The following PAK6 variants were observed in gnomAD, a reference collection of about 807,000 sequenced individuals.
PAK6 encodes the protein serine/threonine-protein kinase PAK 6.
PAK6 carries 33 observed loss-of-function variants against 60.8 expected under a neutral mutation model. That is an observed-to-expected ratio of 0.54 (90% CI 0.41 to 0.73). PAK6 has a LOEUF of 0.73. Ranked by LOEUF, PAK6 falls within the 30% of genes least tolerant of loss-of-function variation. The pLI is 0.00. For missense variants in PAK6, 845 were observed against 904.1 expected (o/e 0.93, Z 0.84); for synonymous variants, 404 against 378.5 (o/e 1.07, Z -0.78).
chr15:40,247,172 A>G (rs2306480), intron 2 of PAK6: 79,014 of 152,138 alleles, frequency 0.52, 20,628 homozygotes, highest in African/African-American at 0.56. Flanking sequence ...GTCACTGGAA[A>G]CTCAGAAGAG....
chr15:40,266,030 G>A, exon 5 of PAK6: 1 of 1,603,732 alleles, frequency 6.2e-7, no homozygotes, highest in African/African-American at 1.3e-5. Context: ...TGTACCTCCA[G>A]AGCCCCCAGT....
At chr15:40,269,012 A>G (rs1274302628) in intron 5 of PAK6, among the ~76,000 whole-genome samples, 1 of 152,176 alleles carries the variant, frequency 6.6e-6, no homozygotes, top group Non-Finnish European at 1.5e-5. Context: ...TAAGCCCTCA[A>G]TAAATGGCTT....
exon 5 of PAK6, chr15:40,265,965 C>A: frequency 6.2e-7 from 1 of 1,604,264 alleles, no homozygotes; most frequent in Non-Finnish European, 8.5e-7. Context: ...CAGCCGGCGG[C>A]GGGCACAGTC....
At chr15:40,250,856 T>C (rs1025297694) in intron 2 of PAK6, 1 of 152,540 alleles carries the variant, frequency 6.6e-6, no homozygotes, top group African/African-American at 2.4e-5. Flanking sequence ...TAGCTTTGGT[T>C]CATGGTTCAT....
At chr15:40,262,106 G>C (rs1318613941) in intron 3 of PAK6, among the ~76,000 whole-genome samples, 2 of 152,152 alleles carry the variant, frequency 1.3e-5, no homozygotes, top group Non-Finnish European at 2.9e-5. Context: ...CTGTGTCCCT[G>C]CACCTCCAGA....
At chr15:40,266,767 G>A (rs1215814326) in intron 5 of PAK6, 2 of 398,976 alleles carry the variant, frequency 5.0e-6, no homozygotes, top group Admixed American at 8.4e-5. Context: ...GGAAAAGCTG[G>A]ATTTGCCTAG....
At position 40,251,141 on chromosome 15, in the gene PAK6, AGAG is replaced by A. The variant is rs760514572; in HGVS notation, c.-117-2023_-117-2021del. The A allele has an allele frequency of 5.8e-4, 89 of 152,658 alleles. 1 individual carries two copies. Among genetic ancestry groups the A allele is most frequent in the African/African-American group, 1.9e-3 (79 of 41,542 alleles). The allele number at this position is 152,658 out of a possible 1,614,324, so 9.5% of individuals were successfully genotyped here. A position where few individuals can be genotyped will look rare whatever the true frequency, so the allele number is the denominator to read the frequency against. ...AAGAATCCGCGTGGGAAAGACACAA[AGAG>A]GAGGAGGAGGAGGCGACAGAGTAAG... On this transcript the variant is annotated intron_variant, in intron 2 of 10. Coordinates refer to ENST00000560346, the Ensembl canonical transcript of PAK6.
chr15:40,252,866 G>T, intron 2 of PAK6: 1 of 1,253,686 alleles, frequency 8.0e-7, no homozygotes, highest in Non-Finnish European at 1.0e-6. Flanking sequence ...TCCCTCCGCG[G>T]GCGCCCGCCC....
intron 2 of PAK6, 108 bp downstream of exon 2, chr15:40,240,789 T>C (rs941623169): frequency 5.5e-6 from 2 of 362,350 alleles, no homozygotes; most frequent in Non-Finnish European, 1.1e-5. Flanking sequence ...ACTCCACAGC[T>C]GTGGGTTCCT....
At chr15:40,242,778 T>C (rs16970458) in intron 2 of PAK6, among the ~76,000 whole-genome samples, 84,414 of 152,022 alleles carry the variant, frequency 0.56, 25,358 homozygotes, top group Non-Finnish European at 0.69. Context: ...AAGAGTGAGA[T>C]GTGAGATAAA....
exon 5 of PAK6, chr15:40,266,038 A>G: frequency 1.2e-6 from 2 of 1,606,504 alleles, no homozygotes; most frequent in Non-Finnish European, 1.7e-6. Flanking sequence ...CAGAGCCCCC[A>G]GTCTGAGCGC....
chr15:40,274,221 A>C, exon 10 of PAK6: 1 of 1,613,668 alleles, frequency 6.2e-7, no homozygotes. Flanking sequence ...TCCCCAGTGC[A>C]AGCCATGAAG....
intron 2 of PAK6, among the ~76,000 whole-genome samples, chr15:40,243,034 A>G (rs2038399851): frequency 6.6e-6 from 1 of 152,190 alleles, no homozygotes; most frequent in Non-Finnish European, 1.5e-5. Context: ...GCGGAGCCAC[A>G]AAGCCACCAT....
At chr15:40,268,631 C>G (rs1165535493) in intron 5 of PAK6, among the ~76,000 whole-genome samples, 2 of 152,190 alleles carry the variant, frequency 1.3e-5, no homozygotes, top group Non-Finnish European at 2.9e-5. Flanking sequence ...CCAGGCATGG[C>G]TGCAGGAGGG....
In PAK6 at chr15:40,273,637, G is replaced by A. The variant is rs1469350323; in HGVS notation, c.1704G>A (p.Met568Ile). 2 of 1,613,932 alleles carry A rather than the reference G, an allele frequency of 1.2e-6. No homozygotes were observed. Among genetic ancestry groups the A allele is most frequent in the East Asian group, 2.2e-5 (1 of 44,894 alleles). The change falls in exon 9 of 11, where the codon ATG becomes ATA. Residue 568 changes from methionine to isoleucine, a missense_variant. By Grantham distance (10) the Met-to-Ile change is conservative (BLOSUM62 1). Coordinates refer to ENST00000560346, the Ensembl canonical transcript of PAK6. ...CCCTGGTGGGAACCCCCTACTGGAT[G>A]GCTCCTGAAGTGATCTCCAGGTCTT...
intron 7 of PAK6, 137 bp downstream of exon 7, chr15:40,273,136 C>T: frequency 2.4e-6 from 3 of 1,257,918 alleles, no homozygotes; most frequent in African/African-American, 1.5e-5. Context: ...AACTGAGACC[C>T]AGGGGTCTTG....
At chr15:40,263,509 T>C (rs1207184641) in intron 3 of PAK6, among the ~76,000 whole-genome samples, 2 of 152,228 alleles carry the variant, frequency 1.3e-5, no homozygotes, top group East Asian at 3.8e-4. Flanking sequence ...CTACCCATGC[T>C]ATCCATTGCA....
At chr15:40,257,377 C>T (rs878909243) in intron 3 of PAK6, among the ~76,000 whole-genome samples, 7 of 152,230 alleles carry the variant, frequency 4.6e-5, no homozygotes, top group South Asian at 4.1e-4. Flanking sequence ...TGAATCCCTT[C>T]GGTGGGCTGT....
chr15:40,276,027 A>G (rs1566860158), exon 11 of PAK6: 2 of 1,613,696 alleles, frequency 1.2e-6, no homozygotes, highest in East Asian at 4.5e-5. Context: ...TTCCTGCTGC[A>G]GACAGGGCTA....
Sources: gnomAD v4.1 joint callset for allele counts (sites outside exome capture counted in the v4.1 genomes callset) on GRCh38, gnomAD v4.1.1 for gene constraint, MANE v1.5 for transcripts, NCBI Gene and HGNC (gene_info 2026-07-23, HGNC 2026-07-21) for gene names.